The following PMS1 variants were observed in gnomAD, a reference collection of about 807,000 sequenced individuals.
PMS1 encodes the protein PMS1 protein homolog 1.
PMS1 carries 79 observed loss-of-function variants against 93.1 expected under a neutral mutation model. That is an observed-to-expected ratio of 0.85 (90% CI 0.71 to 1.02). The LOEUF (loss-of-function observed/expected upper bound fraction) is 1.02. PMS1 is among the 50% of genes least tolerant of loss of function. The probability of loss-of-function intolerance (pLI) is 0.00; values close to 1 mark genes in which losing one functional copy is unlikely to be tolerated. For missense variants in PMS1, 1,064 were observed against 1,085.3 expected (o/e 0.98, Z 0.28); for synonymous variants, 335 against 363.4 (o/e 0.92, Z 0.89).
chr2:189,824,665 C>T (rs752400860), intron 5 of PMS1, among the ~76,000 whole-genome samples: 9 of 151,954 alleles, frequency 5.9e-5, no homozygotes, highest in Non-Finnish European at 1.2e-4. Flanking sequence ...AATGATTATA[C>T]TGTGAAAGTA....
Position 189,798,028 on chromosome 2 carries a change from A to G in PMS1, c.315+2077A>G, listed in dbSNP as rs5742992. Among the ~76,000 whole-genome samples, 878 of 152,356 alleles carry G rather than the reference A, an allele frequency of 5.8e-3. 11 individuals are homozygous for G. Among genetic ancestry groups the G allele is most frequent in the African/African-American group, 0.02 (828 of 41,578 alleles). ...CAGCTTAGCCTAACCTACTTTAAACATGCTCAGAACACTTACATTGGTCTA... is the reference window on the plus strand; with the variant it reads ...CAGCTTAGCCTAACCTACTTTAAACGTGCTCAGAACACTTACATTGGTCTA... On this transcript the variant is annotated intron_variant, in intron 3 of 12. Transcript: ENST00000441310.
At chr2:189,822,641 A>G (rs752309231) in intron 5 of PMS1, among the ~76,000 whole-genome samples, 2 of 152,218 alleles carry the variant, frequency 1.3e-5, no homozygotes, top group Non-Finnish European at 2.9e-5. Flanking sequence ...GTGCTAAGAG[A>G]GTAAGAGTAG....
Position 189,790,610 on chromosome 2 carries a change from T to G in PMS1, c.-20-1180T>G, listed in dbSNP as rs540952093. ...TAAATGTCCATAATAATAAGTATAATGTTTTATTCATAGTACCTACTTTCT... is the reference window on the plus strand; with the variant it reads ...TAAATGTCCATAATAATAAGTATAAGGTTTTATTCATAGTACCTACTTTCT... On this transcript the variant is annotated intron_variant, in intron 1 of 12. Transcript: ENST00000441310. Among the ~76,000 whole-genome samples, 5 of 152,318 alleles carry G rather than the reference T, an allele frequency of 3.3e-5. No individual in the cohort carries two copies. In the South Asian group the frequency reaches 1.0e-3, roughly 32 times the overall value.
In PMS1 at chr2:189,806,969, G is replaced by A. The variant is rs73979087; in HGVS notation, c.418+1215G>A. ...ATGTTTAATTTTGTGTTCCCTCATT[G>A]CAGTTTATCAAAGTACATTCTGTAT... is the stretch of plus-strand genomic sequence containing the variant. On this transcript the variant is annotated intron_variant, in intron 4 of 12. Coordinates refer to ENST00000441310, the MANE Select transcript of PMS1 (RefSeq NM_000534.5). The A allele has an allele frequency of 4.8e-3, 972 of 201,926 alleles. 9 individuals are homozygous for A. Among genetic ancestry groups the A allele is most frequent in the African/African-American group, 0.021 (912 of 43,590 alleles). The allele number at this position is 201,926 out of a possible 1,614,324, so 12.5% of individuals were successfully genotyped here. A position where few individuals can be genotyped will look rare whatever the true frequency, so the allele number is the denominator to read the frequency against.
chr2:189,806,162 G>C, intron 4 of PMS1: 1 of 317,664 alleles, frequency 3.1e-6, no homozygotes, highest in Non-Finnish European at 5.8e-6. Context: ...AAATCTATTT[G>C]TTAATTGATG....
chr2:189,861,847 T>C (rs954942222), intron 9 of PMS1, among the ~76,000 whole-genome samples: 2 of 151,988 alleles, frequency 1.3e-5, no homozygotes, highest in African/African-American at 2.4e-5. Context: ...TTTTTCCTCT[T>C]TATTTTCAGG....
At chr2:189,815,049 A>C (rs1401171423) in intron 4 of PMS1, among the ~76,000 whole-genome samples, 2 of 150,968 alleles carry the variant, frequency 1.3e-5, no homozygotes, top group African/African-American at 4.9e-5. Flanking sequence ...CAGTGAGCCG[A>C]GATCATGCCA....
intron 4 of PMS1, among the ~76,000 whole-genome samples, chr2:189,809,407 A>G (rs1283910783): frequency 3.1e-5 from 3 of 97,794 alleles, no homozygotes; most frequent in Non-Finnish European, 6.0e-5. Context: ...CCTCCCTATT[A>G]TTGGCCAATA....
chr2:189,850,294 G>T (rs569856838), intron 6 of PMS1, among the ~76,000 whole-genome samples: 1 of 152,232 alleles, frequency 6.6e-6, no homozygotes, highest in African/African-American at 2.4e-5. Context: ...AGTGTTAGGA[G>T]ACCAGCCAGG....
intron 9 of PMS1, among the ~76,000 whole-genome samples, chr2:189,863,234 T>G (rs1329365820): frequency 2.0e-5 from 3 of 151,866 alleles, no homozygotes; most frequent in Non-Finnish European, 4.4e-5. Context: ...TGTTGTTGTT[T>G]TTTCTTTTTG....
intron 6 of PMS1, among the ~76,000 whole-genome samples, chr2:189,847,363 T>C (rs2054339948): frequency 6.6e-6 from 1 of 152,178 alleles, no homozygotes; most frequent in Non-Finnish European, 1.5e-5. Context: ...CCTATTGTTA[T>C]TAAGACCTCC....
At chr2:189,790,566 TACTC>T (rs1170525135) in intron 1 of PMS1, among the ~76,000 whole-genome samples, 2 of 152,224 alleles carry the variant, frequency 1.3e-5, no homozygotes, top group African/African-American at 2.4e-5. Flanking sequence ...CCCAGTTACT[TACTC>T]AGCTTTCAGC....
Position 189,807,122 on chromosome 2 carries a change from C to G in PMS1, c.418+1368C>G, listed in dbSNP as rs5743021. ...TATTTTAATACTGGTACCAAATTCTCTCACTCATTCACTTATTTTGTAAAT... is the reference window on the plus strand; with the variant it reads ...TATTTTAATACTGGTACCAAATTCTGTCACTCATTCACTTATTTTGTAAAT... On this transcript the variant is annotated intron_variant, in intron 4 of 12. Coordinates refer to ENST00000441310, the MANE Select transcript of PMS1 (RefSeq NM_000534.5). The G allele has an allele frequency of 1.6e-3, 277 of 171,648 alleles. 1 individual carries two copies. Among genetic ancestry groups the G allele is most frequent in the African/African-American group, 6.2e-3 (259 of 42,102 alleles). The allele number at this position is 171,648 out of a possible 1,614,324, so 10.6% of individuals were successfully genotyped here.
chr2:189,789,921 C>A lies in PMS1; in HGVS notation c.-20-1869C>A, dbSNP rs367945817. ...TTAGGCAATAAGATGCAAAAAGCAC[C>A]CCCCTCCCTGCATGCTTTACAGATG... is the stretch of plus-strand genomic sequence containing the variant. On this transcript the variant is annotated intron_variant, in intron 1 of 12. Coordinates refer to ENST00000441310, the MANE Select transcript of PMS1 (RefSeq NM_000534.5). Among the ~76,000 whole-genome samples, 4 of 152,104 alleles carry A rather than the reference C, an allele frequency of 2.6e-5. No individual in the cohort carries two copies. The South Asian group carries it at 6.2e-4, about 24-fold the overall frequency.
rs144650644 is a variant in PMS1 at position 189,819,358 on chromosome 2, C to T, written c.582+1178C>T. Among the ~76,000 whole-genome samples the T allele has an allele frequency of 4.9e-3, 747 of 152,200 alleles. 8 individuals are homozygous for T. Among genetic ancestry groups the T allele is most frequent in the African/African-American group, 0.017 (701 of 41,538 alleles). ...GCTGTGATAAACATATGAGCACAGG[C>T]GTCCTTCTGGTATAATGATTTCCTT... On this transcript the variant is annotated intron_variant, in intron 5 of 12. Transcript: ENST00000441310.
At chr2:189,792,923 C>T (rs1461322058) in intron 2 of PMS1, among the ~76,000 whole-genome samples, 2 of 151,884 alleles carry the variant, frequency 1.3e-5, no homozygotes, top group African/African-American at 4.8e-5. Context: ...AATTCTCCTG[C>T]CCCAGCCTCC....
chr2:189,838,788 T>C (rs1045161889), intron 5 of PMS1, among the ~76,000 whole-genome samples: 4 of 152,212 alleles, frequency 2.6e-5, no homozygotes, highest in African/African-American at 9.6e-5. Flanking sequence ...GGAATAATCC[T>C]GTCAACATCA....
chr2:189,831,949 T>A (rs1023447487), intron 5 of PMS1, among the ~76,000 whole-genome samples: 2 of 152,122 alleles, frequency 1.3e-5, no homozygotes, highest in Non-Finnish European at 2.9e-5. Context: ...CAGGCTGGTC[T>A]CAAACTCCTG....
chr2:189,795,388 AGTTCT>A (rs1380191850), intron 2 of PMS1, among the ~76,000 whole-genome samples: 1 of 152,214 alleles, frequency 6.6e-6, no homozygotes, highest in Non-Finnish European at 1.5e-5. Flanking sequence ...TCGCTGATGG[AGTTCT>A]GTTCTGTTCT....
Sources: allele counts gnomAD v4.1 joint callset (sites outside exome capture counted in the v4.1 genomes callset), GRCh38; gene constraint gnomAD v4.1.1; transcripts MANE v1.5; gene names NCBI Gene and HGNC (gene_info 2026-07-23, HGNC 2026-07-21).